Variants in SUGCT observed in about 807,000 individuals in gnomAD.
The protein encoded by SUGCT is succinyl-CoA:glutarate-CoA transferase, also known as succinyl-CoA:glutarate CoA-transferase.
Under a neutral mutation model 55.0 loss-of-function variants are expected in SUGCT, and 41 were observed. The ratio of observed to expected loss-of-function variants is 0.74; its 90% CI spans 0.58 to 0.97. The LOEUF is 0.97. Ranked by LOEUF, SUGCT falls within the 50% of genes least tolerant of loss-of-function variation. The probability of loss-of-function intolerance (pLI) is 0.00; values close to 1 mark genes in which losing one functional copy is unlikely to be tolerated. For missense variants in SUGCT, 568 were observed against 547.8 expected (o/e 1.04, Z -0.37); for synonymous variants, 187 against 200.4 (o/e 0.93, Z 0.56).
At chr7:40,684,925 G>A (rs1187131960) in intron 12 of SUGCT, among the ~76,000 whole-genome samples, 1 of 152,144 alleles carries the variant, frequency 6.6e-6, no homozygotes, top group African/African-American at 2.4e-5. Flanking sequence ...CCGCCTCCTG[G>A]GTTCAAGCAA....
At chr7:40,245,306 G>A (rs1249521180) in intron 7 of SUGCT, among the ~76,000 whole-genome samples, 1 of 147,198 alleles carries the variant, frequency 6.8e-6, no homozygotes, top group Non-Finnish European at 1.5e-5. Context: ...TGATCCGCCT[G>A]CTTTGGCCTC....
chr7:40,841,219 C>G (rs750411937), intron 13 of SUGCT, among the ~76,000 whole-genome samples: 3 of 151,926 alleles, frequency 2.0e-5, no homozygotes, highest in African/African-American at 7.3e-5. Context: ...TGTATTAACA[C>G]AAATGACAAA....
At chr7:40,474,247 T>A (rs562763054) in intron 11 of SUGCT, among the ~76,000 whole-genome samples, 1 of 152,220 alleles carries the variant, frequency 6.6e-6, no homozygotes, top group South Asian at 2.1e-4. Flanking sequence ...GCAAAACGAA[T>A]CTGGGGTCTT....
intron 8 of SUGCT, among the ~76,000 whole-genome samples, chr7:40,288,578 T>C (rs1308141179): frequency 2.0e-5 from 3 of 152,120 alleles, no homozygotes; most frequent in Non-Finnish European, 4.4e-5. Context: ...TTTTTGCCAG[T>C]GTTCTTGTTG....
intron 9 of SUGCT, among the ~76,000 whole-genome samples, chr7:40,447,087 T>C (rs931246773): frequency 6.6e-6 from 1 of 152,204 alleles, no homozygotes; most frequent in Non-Finnish European, 1.5e-5. Context: ...AAACCCAGTA[T>C]TCATTAACAA....
At chr7:40,847,826 A>G (rs2128796234) in intron 13 of SUGCT, among the ~76,000 whole-genome samples, 1 of 152,276 alleles carries the variant, frequency 6.6e-6, no homozygotes, top group Admixed American at 6.5e-5. Context: ...AGGAAAGTAA[A>G]AAAAAATCTC....
chr7:40,708,251 A>C (rs1019345086), intron 12 of SUGCT, among the ~76,000 whole-genome samples: 14 of 152,204 alleles, frequency 9.2e-5, no homozygotes, highest in African/African-American at 3.4e-4. Context: ...GGTGTCCTAT[A>C]CTTACCTCAG....
chr7:40,656,823 G>A lies in SUGCT; in HGVS notation c.1090-92611G>A, dbSNP rs576978020. Reference sequence around the variant, plus strand: ...CCCCACTCTTTGGTGTGTTCCTGTGGTTTAGCCCCTCTTCCAGGCAAGACC... The same window carrying A: ...CCCCACTCTTTGGTGTGTTCCTGTGATTTAGCCCCTCTTCCAGGCAAGACC... On this transcript the variant is annotated intron_variant, in intron 12 of 13. Coordinates refer to ENST00000335693, the MANE Select transcript of SUGCT (RefSeq NM_001193313.2). 1.8e-3 allele frequency among the ~76,000 whole-genome samples: 267 copies of A among 152,326 alleles called. 1 individual carries two copies. Among genetic ancestry groups the A allele is most frequent in the African/African-American group, 6.2e-3 (257 of 41,564 alleles).
the SUGCT span, among the ~76,000 whole-genome samples, chr7:40,867,250 T>C: frequency 6.7e-6 from 1 of 149,968 alleles, no homozygotes; most frequent in Non-Finnish European, 1.5e-5. Flanking sequence ...GCATATAATA[T>C]ATGATATATA....
At chr7:40,847,321 T>C (rs1793607572) in intron 13 of SUGCT, among the ~76,000 whole-genome samples, 1 of 151,712 alleles carries the variant, frequency 6.6e-6, no homozygotes, top group African/African-American at 2.4e-5. Flanking sequence ...TCTCACACAC[T>C]GCCAAAGAGA....
chr7:40,439,744 A>G (rs1788398246), intron 9 of SUGCT, among the ~76,000 whole-genome samples: 1 of 151,960 alleles, frequency 6.6e-6, no homozygotes. Flanking sequence ...CGACATGGGA[A>G]CTCCATCTGC....
At chr7:40,695,316 G>A (rs1441313920) in intron 12 of SUGCT, among the ~76,000 whole-genome samples, 1 of 151,758 alleles carries the variant, frequency 6.6e-6, no homozygotes, top group African/African-American at 2.4e-5. Context: ...TCCCACCTCA[G>A]ACTCCTGCAT....
At chr7:40,804,807 G>A (rs1300007756) in intron 13 of SUGCT, among the ~76,000 whole-genome samples, 6 of 152,150 alleles carry the variant, frequency 3.9e-5, no homozygotes, top group African/African-American at 1.2e-4. Flanking sequence ...ACTATCTTGA[G>A]TGCAGAAAAA....
At chr7:40,149,816 G>A (rs1422615747) in intron 1 of SUGCT, among the ~76,000 whole-genome samples, 2 of 152,240 alleles carry the variant, frequency 1.3e-5, no homozygotes, top group Non-Finnish European at 2.9e-5. Flanking sequence ...CTGTTCAGGA[G>A]GCTGAGGCAG....
intron 1 of SUGCT, among the ~76,000 whole-genome samples, chr7:40,150,914 A>G (rs1788532237): frequency 6.6e-6 from 1 of 152,144 alleles, no homozygotes; most frequent in South Asian, 2.1e-4. Flanking sequence ...TGATGAATTC[A>G]GGAGAGAAGA....
intron 12 of SUGCT, among the ~76,000 whole-genome samples, chr7:40,744,818 T>A (rs747166000): frequency 2.0e-5 from 3 of 152,240 alleles, no homozygotes; most frequent in Non-Finnish European, 2.9e-5. Context: ...TTCAACATTA[T>A]CTTTGTTCTC....
intron 6 of SUGCT, among the ~76,000 whole-genome samples, chr7:40,198,372 T>A (rs556765353): frequency 2.0e-5 from 3 of 152,334 alleles, no homozygotes; most frequent in East Asian, 3.9e-4. Flanking sequence ...TAGGTGACAC[T>A]GAACAGTGCT....
the SUGCT span, among the ~76,000 whole-genome samples, chr7:41,018,347 C>T: frequency 6.6e-6 from 1 of 152,138 alleles, no homozygotes; most frequent in South Asian, 2.1e-4. Flanking sequence ...TCACTGCAGA[C>T]TGGTCAAGTG....
intron 12 of SUGCT, among the ~76,000 whole-genome samples, chr7:40,558,620 C>T (rs942481438): frequency 1.3e-5 from 2 of 152,030 alleles, no homozygotes; most frequent in African/African-American, 4.8e-5. Flanking sequence ...GGGTGGGGAG[C>T]AGAGTGAGGA....
Sources: allele counts gnomAD v4.1 joint callset (sites outside exome capture counted in the v4.1 genomes callset), GRCh38; gene constraint gnomAD v4.1.1; transcripts MANE v1.5; gene names NCBI Gene and HGNC (gene_info 2026-07-23, HGNC 2026-07-21).